Variants in ZCWPW2 observed in about 807,000 individuals in gnomAD.
ZCWPW2 encodes zinc finger CW-type PWWP domain protein 2.
ZCWPW2 carries 45 observed loss-of-function variants against 46.6 expected under a neutral mutation model. The observed-to-expected ratio is 0.96, with a 90% CI of 0.76 to 1.24. The LOEUF is 1.24. Among genes scored for constraint, ZCWPW2 ranks in the 50% most tolerant of loss-of-function variants. The probability of loss-of-function intolerance (pLI) is 0.00; values close to 1 mark genes in which losing one functional copy is unlikely to be tolerated. For missense variants in ZCWPW2, 429 were observed against 403.9 expected, an observed-to-expected ratio of 1.06 and a Z score of -0.53; for synonymous variants, 152 against 137.1, an observed-to-expected ratio of 1.11 and a Z score of -0.76.
At chr3:28,384,817 T>C (rs1007539806) in intron 1 of ZCWPW2, among the ~76,000 whole-genome samples, 5 of 152,152 alleles carry the variant, frequency 3.3e-5, no homozygotes, top group African/African-American at 1.2e-4. Flanking sequence ...GGTTTTACCA[T>C]GTTGGCCAGG....
chr3:28,464,124 GTTTAT>G (rs1698738900), intron 4 of ZCWPW2, among the ~76,000 whole-genome samples: 2 of 151,862 alleles, frequency 1.3e-5, no homozygotes, highest in Admixed American at 1.3e-4. Context: ...GTGTTTTTTT[GTTTAT>G]TTTATTATTT....
chr3:28,428,652 G>C (rs1308453188), intron 3 of ZCWPW2, among the ~76,000 whole-genome samples: 1 of 152,146 alleles, frequency 6.6e-6, no homozygotes, highest in Non-Finnish European at 1.5e-5. Context: ...ATCTTGAATT[G>C]TAATCCAAAC....
intron 4 of ZCWPW2, among the ~76,000 whole-genome samples, chr3:28,464,065 T>TG (rs537343789): frequency 8.8e-4 from 134 of 152,276 alleles, no homozygotes; most frequent in Admixed American, 3.9e-3. Context: ...CTCCCTATCT[T>TG]GGGGAAAAGA....
chr3:28,504,761 G>A (rs1414331293), intron 6 of ZCWPW2, among the ~76,000 whole-genome samples: 1 of 152,124 alleles, frequency 6.6e-6, no homozygotes, highest in African/African-American at 2.4e-5. Flanking sequence ...TACAATTAGA[G>A]GTCAAATAAT....
At chr3:28,478,746 T>TAA (rs1699319699) in intron 4 of ZCWPW2, 68 bp from the exon 5 acceptor site, 1 of 745,018 alleles carries the variant, frequency 1.3e-6, no homozygotes, top group Non-Finnish European at 2.0e-6. Flanking sequence ...TCCAGCTTAA[T>TAA]AAGTGGATTT....
rs1032075786 is a variant in ZCWPW2, at chr3:28,349,191, G to C, written c.-146G>C. ...CCGCGGGACGCCAGGAGGCGGAGGCGGAGTGGAGTTAGGTAAGAGCGTTAC... is the reference window on the plus strand; with the variant it reads ...CCGCGGGACGCCAGGAGGCGGAGGCCGAGTGGAGTTAGGTAAGAGCGTTAC... On this transcript the variant is annotated 5_prime_UTR_variant, in exon 1 of 10. Coordinates refer to ENST00000383768, the MANE Select transcript of ZCWPW2 (RefSeq NM_001040432.4). 41 of 985,738 alleles carry C rather than the reference G, an allele frequency of 4.2e-5. No individual in the cohort carries two copies. The South Asian group carries it at 1.7e-3, about 42-fold the overall frequency. The allele number at this position is 985,738 out of a possible 1,614,324, so 61.1% of individuals were successfully genotyped here. A position where few individuals can be genotyped will look rare whatever the true frequency, so the allele number is the denominator to read the frequency against.
chr3:28,473,447 C>G (rs1699113441), intron 4 of ZCWPW2, among the ~76,000 whole-genome samples: 1 of 151,644 alleles, frequency 6.6e-6, no homozygotes, highest in African/African-American at 2.4e-5. Context: ...TGCACTCCAG[C>G]TTGGGTGACA....
chr3:28,393,617 A>G (rs1695581898), intron 2 of ZCWPW2, among the ~76,000 whole-genome samples: 1 of 152,192 alleles, frequency 6.6e-6, no homozygotes, highest in African/African-American at 2.4e-5. Flanking sequence ...TATCTTTGGG[A>G]TGCAAAGATG....
chr3:28,522,266 A>T lies in ZCWPW2; in HGVS notation c.909+1150A>T, dbSNP rs531607595. 1.7e-3 allele frequency among the ~76,000 whole-genome samples: 264 copies of T among 152,280 alleles called. 1 individual carries two copies. Among genetic ancestry groups the T allele is most frequent in the African/African-American group, 6.2e-3 (257 of 41,548 alleles). On this transcript the variant is annotated intron_variant, in intron 9 of 9. Coordinates refer to ENST00000383768, the MANE Select transcript of ZCWPW2 (RefSeq NM_001040432.4). ...TACCCTAGAACTTAAAGTATAATTT[A>T]AAAAAATGGTAAACCAGGAAAAGTG...
chr3:28,448,313 A>G (rs1559508655), intron 4 of ZCWPW2, among the ~76,000 whole-genome samples: 1 of 152,194 alleles, frequency 6.6e-6, no homozygotes, highest in Non-Finnish European at 1.5e-5. Context: ...CCAAAAGATA[A>G]TTATAAAAAT....
intron 4 of ZCWPW2, among the ~76,000 whole-genome samples, chr3:28,459,972 T>C (rs1287849774): frequency 1.3e-5 from 2 of 152,186 alleles, no homozygotes; most frequent in African/African-American, 4.8e-5. Flanking sequence ...TACCTTGTGA[T>C]TTTTCTGATT....
chr3:28,524,224 A>G (rs1460102674), intron 9 of ZCWPW2, among the ~76,000 whole-genome samples: 1 of 152,030 alleles, frequency 6.6e-6, no homozygotes, highest in African/African-American at 2.4e-5. Context: ...TATAACAATA[A>G]TGTAAAAAAT....
intron 2 of ZCWPW2, among the ~76,000 whole-genome samples, chr3:28,403,141 A>G (rs377051665): frequency 2.0e-5 from 3 of 152,140 alleles, no homozygotes; most frequent in African/African-American, 4.8e-5. Context: ...GTGTTTACCT[A>G]GAGAACCCTA....
chr3:28,385,593 C>T lies in ZCWPW2; in HGVS notation c.-133-4905C>T, dbSNP rs1300436125. ...TCAGTACACATGATTAGACTAGCACCAGCTCCTTCTCTGGCATGATAAGGG... is the reference window on the plus strand; with the variant it reads ...TCAGTACACATGATTAGACTAGCACTAGCTCCTTCTCTGGCATGATAAGGG... On this transcript the variant is annotated intron_variant, in intron 1 of 9. Coordinates refer to ENST00000383768, the MANE Select transcript of ZCWPW2 (RefSeq NM_001040432.4). Among the ~76,000 whole-genome samples, 4 of 152,164 alleles carry T rather than the reference C, an allele frequency of 2.6e-5. No homozygotes were observed. The East Asian group carries it at 7.7e-4, about 29-fold the overall frequency.
intron 1 of ZCWPW2, among the ~76,000 whole-genome samples, chr3:28,367,081 T>G (rs1482974963): frequency 6.6e-6 from 1 of 152,226 alleles, no homozygotes; most frequent in Non-Finnish European, 1.5e-5. Flanking sequence ...TTTGTTGATC[T>G]TTTTAAAAGA....
In ZCWPW2 at chr3:28,386,724, A is replaced by T. The variant is rs942678232; in HGVS notation, c.-133-3774A>T. Among the ~76,000 whole-genome samples, 96 of 152,260 alleles carry T rather than the reference A, an allele frequency of 6.3e-4. 1 individual carries two copies. The highest frequency in any genetic ancestry group is 3.4e-3 in the Middle Eastern group (1 of 294). On this transcript the variant is annotated intron_variant, in intron 1 of 9. Transcript: ENST00000383768. ...ATGAGTTAAGGTTATATGATTATAGATATTCTAAAATGCTCTACTGTTTAT... is the reference window on the plus strand; with the variant it reads ...ATGAGTTAAGGTTATATGATTATAGTTATTCTAAAATGCTCTACTGTTTAT...
intron 4 of ZCWPW2, among the ~76,000 whole-genome samples, chr3:28,476,886 GT>G (rs1699254322): frequency 6.6e-6 from 1 of 152,104 alleles, no homozygotes; most frequent in Non-Finnish European, 1.5e-5. Context: ...TAGGGTTCAT[GT>G]TCCTATGAGA....
intron 4 of ZCWPW2, among the ~76,000 whole-genome samples, chr3:28,460,752 A>G (rs904245161): frequency 6.6e-6 from 1 of 152,222 alleles, no homozygotes; most frequent in Non-Finnish European, 1.5e-5. Context: ...GATCTGCCCA[A>G]CAGAGGAAAA....
At chr3:28,467,790 T>C (rs1180425081) in intron 4 of ZCWPW2, among the ~76,000 whole-genome samples, 1 of 152,198 alleles carries the variant, frequency 6.6e-6, no homozygotes, top group Non-Finnish European at 1.5e-5. Flanking sequence ...CTAATGCAGA[T>C]ACAGCTTAGA....
Sources: gnomAD v4.1 joint callset for allele counts (sites outside exome capture counted in the v4.1 genomes callset) on GRCh38, gnomAD v4.1.1 for gene constraint, MANE v1.5 for transcripts, NCBI Gene and HGNC (gene_info 2026-07-23, HGNC 2026-07-21) for gene names.